Variants in SMIM9 observed in about 807,000 individuals in gnomAD.
The protein encoded by SMIM9 is chromosome X open reading frame 68.
In SMIM9, 8 loss-of-function variants were observed where a neutral mutation model predicts 7.2. The ratio of observed to expected loss-of-function variants is 1.10; its 90% confidence interval spans 0.65 to 1.99. The LOEUF (loss-of-function observed/expected upper bound fraction) is 1.99. SMIM9 is among the 30% of genes most tolerant of loss of function. The pLI, the probability that SMIM9 is intolerant of heterozygous loss-of-function variation, is 0.00. For synonymous variants in SMIM9, 19 were observed against 26.4 expected (o/e 0.72, Z 0.86); for missense variants, 76 against 69.3 (o/e 1.10, Z -0.34).
At chrX:154,829,217 T>G (rs782307040) in intron 4 of SMIM9, among the ~76,000 whole-genome samples, 1 of 112,211 alleles carries the variant, frequency 8.9e-6, no homozygotes, top group East Asian at 2.8e-4. Flanking sequence ...TTATTTTCTA[T>G]GTATAGTTCT....
intron 4 of SMIM9, among the ~76,000 whole-genome samples, chrX:154,824,255 G>A (rs2072409886): frequency 9.4e-6 from 1 of 106,682 alleles, no homozygotes; most frequent in Non-Finnish European, 1.9e-5. Flanking sequence ...TACTCGGGAG[G>A]CTGAGGCAGG....
chrX:154,828,278 A>G (rs190684577), intron 4 of SMIM9, among the ~76,000 whole-genome samples: 126 of 111,091 alleles, frequency 1.1e-3, no homozygotes, highest in Admixed American at 3.3e-3. Flanking sequence ...ATGAACTAAA[A>G]CGAGTTATAT....
At chrX:154,830,569 G>T in intron 3 of SMIM9, 146 bp downstream of exon 3, 1 of 755,224 alleles carries the variant, frequency 1.3e-6, no homozygotes, top group Non-Finnish European at 1.9e-6. Context: ...GTTAATGCTT[G>T]TTGAACTAAA....
intron 2 of SMIM9, among the ~76,000 whole-genome samples, chrX:154,831,514 G>A (rs1421528880): frequency 9.1e-6 from 1 of 109,719 alleles, no homozygotes; most frequent in African/African-American, 3.4e-5. Context: ...CTTACAAAAC[G>A]TATCCAGAAT....
At chrX:154,824,798 T>C (rs782536793) in intron 4 of SMIM9, among the ~76,000 whole-genome samples, 1 of 112,176 alleles carries the variant, frequency 8.9e-6, no homozygotes, top group Non-Finnish European at 1.9e-5. Flanking sequence ...GATTTCCACC[T>C]CTGCTTCTGG....
At position 154,825,391 on chromosome X, in the gene SMIM9, C is replaced by CAA. The variant is rs35510627; in HGVS notation, c.273-1611_273-1610dup. 3.1e-3 allele frequency among the ~76,000 whole-genome samples: 222 copies of CAA among 71,637 alleles called. 3 individuals carry two copies. The highest frequency in any genetic ancestry group is 7.6e-3 in the Middle Eastern group (1 of 131). 62.2% of individuals were successfully genotyped at this position (71,637 alleles called of 115,157 possible). A position where few individuals can be genotyped will look rare whatever the true frequency, so the allele number is the denominator to read the frequency against. ...TGGGTGACAGACTGAGACTTCACCTCAAAAAAAAAAAAAAAAAGTCAGGAA... is the reference window on the plus strand; with the variant it reads ...TGGGTGACAGACTGAGACTTCACCTCAAAAAAAAAAAAAAAAAAAGTCAGGAA... On this transcript the variant is annotated intron_variant, in intron 4 of 4. Coordinates refer to ENST00000369529, the MANE Select transcript of SMIM9 (RefSeq NM_001162936.4).
intron 4 of SMIM9, among the ~76,000 whole-genome samples, chrX:154,828,673 C>T (rs782739580): frequency 1.8e-5 from 2 of 111,949 alleles, no homozygotes; most frequent in Non-Finnish European, 3.8e-5. Context: ...GCTTAGCTGA[C>T]TTCTAATCTA....
intron 2 of SMIM9, among the ~76,000 whole-genome samples, chrX:154,831,855 T>C (rs1159311472): frequency 9.0e-6 from 1 of 111,350 alleles, no homozygotes; most frequent in African/African-American, 3.3e-5. Flanking sequence ...AAATATCACC[T>C]TCTCAATGAG....
chrX:154,831,795 T>A (rs1406706552), intron 2 of SMIM9, among the ~76,000 whole-genome samples: 1 of 111,408 alleles, frequency 9.0e-6, no homozygotes, highest in African/African-American at 3.3e-5. Flanking sequence ...AGGGAATGCT[T>A]TTCCCCCAGG....
At chrX:154,829,481 C>G in intron 4 of SMIM9, 54 bp downstream of exon 4, 1 of 1,145,752 alleles carries the variant, frequency 8.7e-7, no homozygotes, top group Non-Finnish European at 1.2e-6. Context: ...TCTGTTCCCA[C>G]CCCCCTTCAC....
intron 3 of SMIM9, among the ~76,000 whole-genome samples, chrX:154,829,989 G>A (rs9887451): frequency 0.019 from 2,072 of 111,880 alleles, 38 homozygotes; most frequent in African/African-American, 0.063. Context: ...TCTTTACTAA[G>A]GTGTTGTTGC....
chrX:154,830,900 C>T lies in SMIM9; in HGVS notation c.-44G>A. 1 of 1,143,043 alleles carries T rather than the reference C, an allele frequency of 8.7e-7. No homozygotes were observed. Among genetic ancestry groups the T allele is most frequent in the Non-Finnish European group, 1.2e-6 (1 of 857,077 alleles). 94.2% of individuals were successfully genotyped at this position (1,143,043 alleles called of 1,213,427 possible). ...GCGGCTGAAGAGCTGGTAATCCTAG[C>T]TCACTCTGCCAAGGAGAGATGTCTT... On this transcript the variant is annotated 5_prime_UTR_variant, in exon 3 of 5. Transcript: ENST00000369529.
intron 4 of SMIM9, 146 bp from the exon 5 acceptor site, chrX:154,823,928 CAGAATA>C (rs1325698335): frequency 3.8e-6 from 2 of 522,917 alleles, no homozygotes; most frequent in African/African-American, 4.8e-5. Context: ...GATGAAAAAG[CAGAATA>C]AGAATGTGTT....
intron 4 of SMIM9, among the ~76,000 whole-genome samples, chrX:154,825,857 G>C (rs1483047034): frequency 9.5e-6 from 1 of 104,980 alleles, no homozygotes; most frequent in African/African-American, 3.5e-5. Context: ...ACTCATAGCT[G>C]GGAATTGAAC....
rs1229466926 is a variant in SMIM9, at chrX:154,830,723, C to T, written c.134G>A (p.Arg45His). 1.0e-5 allele frequency: 12 copies of T among 1,167,165 alleles called. No individual in the cohort carries two copies. The East Asian group carries it at 2.3e-4, about 22-fold the overall frequency. The stretch of plus-strand genomic sequence containing the variant: ...CCTAACAGCAAACACACCCCCTGAG[C>T]GTGGTTTCGATCCTGTTTTTTCTTG... The part of the protein sequence containing the change: ...GIQEKTGSKP[R>H]SGGNHRSWLN... The change falls in exon 3 of 5, where the codon CGC (arginine) becomes CAC (histidine). Residue 45 changes from arginine to histidine, a missense_variant. Physicochemically the swap from Arg to His is conservative, Grantham distance 29. Coordinates refer to ENST00000369529, the MANE Select transcript of SMIM9 (RefSeq NM_001162936.4).
chrX:154,833,545 A>G (rs2072453395), intron 1 of SMIM9, among the ~76,000 whole-genome samples: 1 of 111,582 alleles, frequency 9.0e-6, no homozygotes, highest in South Asian at 3.8e-4. Flanking sequence ...GCCTGGCTTG[A>G]GCCTGGGAGA....
chrX:154,825,521 A>G (rs2072417579), intron 4 of SMIM9, among the ~76,000 whole-genome samples: 1 of 111,337 alleles, frequency 9.0e-6, no homozygotes, highest in African/African-American at 3.3e-5. Context: ...GCGATTCCTC[A>G]GGGATCTAGA....
At chrX:154,829,689 T>C (rs1557270431) in intron 3 of SMIM9, 25 bp from the exon 4 acceptor site, 2 of 1,164,062 alleles carry the variant, frequency 1.7e-6, no homozygotes. Context: ...TAGACATTCA[T>C]TGAGGAGAGG....
At position 154,825,317 on chromosome X, in the gene SMIM9, G is replaced by A. The variant is rs368351471; in HGVS notation, c.273-1535C>T. Among the ~76,000 whole-genome samples the A allele has an allele frequency of 1.4e-4, 15 of 109,288 alleles. No homozygotes were observed. In the South Asian group the frequency reaches 5.2e-3, roughly 38 times the overall value. The allele number at this position is 109,288 out of a possible 115,157, so 94.9% of individuals were successfully genotyped here. A position where few individuals can be genotyped will look rare whatever the true frequency, so the allele number is the denominator to read the frequency against. Reference sequence around the variant, plus strand: ...TGAGGCAGGAGAATCGATTCAACCCGGGAAGCAGAGGTTGCAGTGAGCCGA... The same window carrying A: ...TGAGGCAGGAGAATCGATTCAACCCAGGAAGCAGAGGTTGCAGTGAGCCGA... On this transcript the variant is annotated intron_variant, in intron 4 of 4. Coordinates refer to ENST00000369529, the MANE Select transcript of SMIM9 (RefSeq NM_001162936.4).
Sources: allele counts gnomAD v4.1 joint callset (sites outside exome capture counted in the v4.1 genomes callset), GRCh38; gene constraint gnomAD v4.1.1; transcripts MANE v1.5; gene names NCBI Gene and HGNC (gene_info 2026-07-23, HGNC 2026-07-21).